Variants in CDKAL1 observed in about 807,000 individuals in gnomAD.
The protein encoded by CDKAL1 is CDKAL1 threonylcarbamoyladenosine tRNA methylthiotransferase, also known as threonylcarbamoyladenosine tRNA methylthiotransferase.
CDKAL1 carries 32 observed loss-of-function variants against 68.2 expected under a neutral mutation model. The ratio of observed to expected loss-of-function variants is 0.47; its 90% CI spans 0.35 to 0.63. The LOEUF is 0.63. CDKAL1 is among the 30% of genes least tolerant of loss of function. The pLI is 0.00. For synonymous variants in CDKAL1, 234 were observed against 244.3 expected (o/e 0.96, Z 0.39); for missense variants, 606 against 696.7 (o/e 0.87, Z 1.47).
chr6:20,944,294 A>G (rs1764126648), intron 9 of CDKAL1, among the ~76,000 whole-genome samples: 1 of 152,174 alleles, frequency 6.6e-6, no homozygotes, highest in African/African-American at 2.4e-5. Context: ...AGTTGTTTAC[A>G]GTAGTAGGGT....
chr6:20,850,159 A>G (rs1758932812), intron 9 of CDKAL1, among the ~76,000 whole-genome samples: 1 of 152,146 alleles, frequency 6.6e-6, no homozygotes, highest in African/African-American at 2.4e-5. Flanking sequence ...TGAATAAGAA[A>G]CATGGTTTTA....
intron 13 of CDKAL1, among the ~76,000 whole-genome samples, chr6:21,191,179 C>G (rs1406487127): frequency 6.6e-6 from 1 of 152,134 alleles, no homozygotes; most frequent in East Asian, 1.9e-4. Flanking sequence ...TCTTTATATC[C>G]TTATATAGCC....
chr6:20,996,326 G>T (rs1331799278), intron 10 of CDKAL1, among the ~76,000 whole-genome samples: 12 of 152,180 alleles, frequency 7.9e-5, no homozygotes, highest in Admixed American at 7.9e-4. Flanking sequence ...TGGCTGACTG[G>T]TGCAAGAGGC....
At chr6:20,906,452 C>T (rs1762234149) in intron 9 of CDKAL1, among the ~76,000 whole-genome samples, 2 of 152,042 alleles carry the variant, frequency 1.3e-5, no homozygotes, top group Non-Finnish European at 2.9e-5. Context: ...ATAAAATACA[C>T]AGATGTTCCT....
intron 9 of CDKAL1, among the ~76,000 whole-genome samples, chr6:20,869,186 C>T (rs1381691809): frequency 6.6e-6 from 1 of 152,136 alleles, no homozygotes; most frequent in African/African-American, 2.4e-5. Context: ...TTCACAATCT[C>T]GGCCATGTGA....
At chr6:20,798,309 A>G (rs1220687610) in intron 8 of CDKAL1, among the ~76,000 whole-genome samples, 2 of 152,124 alleles carry the variant, frequency 1.3e-5, no homozygotes, top group African/African-American at 2.4e-5. Context: ...GCACATACCA[A>G]TACATAGGCT....
At chr6:20,683,909 G>T (rs1770497372) in intron 5 of CDKAL1, among the ~76,000 whole-genome samples, 1 of 152,102 alleles carries the variant, frequency 6.6e-6, no homozygotes, top group Non-Finnish European at 1.5e-5. Flanking sequence ...TGTTTTGATT[G>T]TCTCCACTGT....
At chr6:20,858,422 G>A (rs1422286198) in intron 9 of CDKAL1, among the ~76,000 whole-genome samples, 4 of 152,044 alleles carry the variant, frequency 2.6e-5, no homozygotes, top group African/African-American at 9.7e-5. Flanking sequence ...AGAAGAAAGG[G>A]ACCTTGAACT....
intron 8 of CDKAL1, among the ~76,000 whole-genome samples, chr6:20,831,610 G>A (rs1777721426): frequency 6.6e-6 from 1 of 152,042 alleles, no homozygotes; most frequent in Admixed American, 6.6e-5. Flanking sequence ...TTTGGTGCAA[G>A]TTTGGCTTTG....
chr6:20,788,578 C>A (rs1489267309), intron 8 of CDKAL1, among the ~76,000 whole-genome samples: 1 of 152,134 alleles, frequency 6.6e-6, no homozygotes, highest in Non-Finnish European at 1.5e-5. Context: ...AGCTGCATGA[C>A]TTGAGTAAAT....
chr6:20,711,422 G>A lies in CDKAL1; in HGVS notation c.372-28097G>A, dbSNP rs1374931688. ...CTGTAATATAGTAAAAAGAGTTTTGGACTTAGAGTCAGAAGACAAATTGGA... is the reference window on the plus strand; with the variant it reads ...CTGTAATATAGTAAAAAGAGTTTTGAACTTAGAGTCAGAAGACAAATTGGA... On this transcript the variant is annotated intron_variant, in intron 5 of 15. Coordinates refer to ENST00000274695, the MANE Select transcript of CDKAL1 (RefSeq NM_017774.3). Among the ~76,000 whole-genome samples, 3 of 152,112 alleles carry A rather than the reference G, an allele frequency of 2.0e-5. No homozygotes were observed. The East Asian group carries it at 5.8e-4, about 29-fold the overall frequency.
intron 13 of CDKAL1, 146 bp downstream of exon 13, chr6:21,108,609 TAAAGA>T (rs2150991994): frequency 1.9e-6 from 1 of 520,108 alleles, no homozygotes; most frequent in South Asian, 3.4e-5. Flanking sequence ...TTATCCCTTT[TAAAGA>T]AAACAGAAAT....
chr6:20,720,230 C>T (rs1328583927), intron 5 of CDKAL1, among the ~76,000 whole-genome samples: 1 of 152,066 alleles, frequency 6.6e-6, no homozygotes, highest in East Asian at 1.9e-4. Context: ...CTAATGGATA[C>T]AGGCCCATAT....
intron 15 of CDKAL1, among the ~76,000 whole-genome samples, chr6:21,203,779 C>G (rs1778790361): frequency 6.7e-6 from 1 of 149,084 alleles, no homozygotes; most frequent in Non-Finnish European, 1.5e-5. Flanking sequence ...TCACTGCAAC[C>G]TCCACCTTCC....
At chr6:20,826,626 G>A (rs1443063784) in intron 8 of CDKAL1, among the ~76,000 whole-genome samples, 2 of 152,094 alleles carry the variant, frequency 1.3e-5, no homozygotes, top group Admixed American at 6.6e-5. Context: ...TTTGCTGCGA[G>A]ATGCATGTGA....
At chr6:20,782,845 A>G (rs916907447) in intron 8 of CDKAL1, among the ~76,000 whole-genome samples, 1 of 152,240 alleles carries the variant, frequency 6.6e-6, no homozygotes, top group Non-Finnish European at 1.5e-5. Context: ...ATGCTAAATT[A>G]TCATCATGGT....
intron 13 of CDKAL1, among the ~76,000 whole-genome samples, chr6:21,127,082 G>A (rs568422685): frequency 2.0e-5 from 3 of 152,234 alleles, no homozygotes; most frequent in East Asian, 1.9e-4. Context: ...GTCGATTTGG[G>A]TTATGTACAT....
chr6:20,665,978 G>T (rs1283895152), intron 5 of CDKAL1, among the ~76,000 whole-genome samples: 7 of 151,928 alleles, frequency 4.6e-5, no homozygotes, highest in African/African-American at 1.5e-4. Flanking sequence ...TATCCAAAAA[G>T]ATTTGGATTT....
At chr6:20,817,841 AG>A (rs1777109439) in intron 8 of CDKAL1, among the ~76,000 whole-genome samples, 1 of 152,136 alleles carries the variant, frequency 6.6e-6, no homozygotes, top group East Asian at 1.9e-4. Context: ...TACATCAGTA[AG>A]GAACTTTTAT....
Sources: gnomAD v4.1 joint callset for allele counts (sites outside exome capture counted in the v4.1 genomes callset) on GRCh38, gnomAD v4.1.1 for gene constraint, MANE v1.5 for transcripts, NCBI Gene and HGNC (gene_info 2026-07-23, HGNC 2026-07-21) for gene names.